TBRG4: variants seen among roughly 807,000 people sequenced by gnomAD.
The protein encoded by TBRG4 is transforming growth factor beta regulator 4.
A neutral mutation model predicts 65.6 loss-of-function variants in TBRG4; 43 were observed. The ratio of observed to expected loss-of-function variants is 0.66; its 90% CI spans 0.51 to 0.85. The LOEUF is 0.85. Among genes scored for constraint, TBRG4 ranks in the 40% least tolerant of loss-of-function variants. The pLI, the probability that TBRG4 is intolerant of heterozygous loss-of-function variation, is 0.00. For synonymous variants in TBRG4, 366 were observed against 341.4 expected (o/e 1.07, Z -0.79); for missense variants, 709 against 787.9 (o/e 0.90, Z 1.20).
chr7:45,102,661 TC>T (rs1318854031), intron 6 of TBRG4, 170 bp from the exon 7 acceptor site: 3 of 847,400 alleles, frequency 3.5e-6, no homozygotes, highest in Non-Finnish European at 5.3e-6. Flanking sequence ...CCTGGAGCAA[TC>T]CTGGGCTTGA....
At position 45,101,936 on chromosome 7, in the gene TBRG4, C is replaced by T. The variant is rs754842819; in HGVS notation, c.1456G>A (p.Asp486Asn). 5 of 1,609,016 alleles carry T rather than the reference C, an allele frequency of 3.1e-6. No homozygotes were observed. Among genetic ancestry groups the T allele is most frequent in the Non-Finnish European group, 4.2e-6 (5 of 1,177,942 alleles). ...TTTTGCAGGGGGGTCACCTTCCTGT[C>T]AAGGGCTGAGGGCCCAGGGGCCACA... is the stretch of plus-strand genomic sequence containing the variant. ...SAVAPGPSAL[D>N]RKVTPLQKEL... Residue 486 changes from aspartate to asparagine, a missense_variant, in exon 8 of 11, where the codon GAC becomes AAC. Physicochemically the swap from Asp to Asn is conservative, Grantham distance 23. Transcript: ENST00000258770.
chr7:45,105,588 C>T lies in TBRG4; in HGVS notation c.588G>A (p.Gln196=), dbSNP rs781357789. 3 of 1,614,166 alleles carry T rather than the reference C, an allele frequency of 1.9e-6. No individual in the cohort carries two copies. Among genetic ancestry groups the T allele is most frequent in the East Asian group, 2.2e-5 (1 of 44,888 alleles). The change falls in exon 3 of 11, where the codon CAG becomes CAA. Residue 196 remains glutamine (Q), a synonymous_variant. Transcript: ENST00000258770. The part of the protein sequence containing the change: ...FLAESCATLS[Q]EQHSQELLAE... ...CCAGCAGCTCCTGCGAGTGCTGCTC[C>T]TGTGAGAGGGTGGCACAGGACTCTG... is the stretch of plus-strand genomic sequence containing the variant.
chr7:45,101,872 G>GCGCTC lies in TBRG4; in HGVS notation c.1515_1519dup (p.Ala507GlyfsTer33). 1.2e-6 allele frequency: 2 copies of GCGCTC among 1,609,610 alleles called. No homozygotes were observed. Among genetic ancestry groups the GCGCTC allele is most frequent in the Non-Finnish European group, 1.7e-6 (2 of 1,179,476 alleles). On this transcript the variant is annotated frameshift_variant, in exon 8 of 11. Coordinates refer to ENST00000258770, the MANE Select transcript of TBRG4 (RefSeq NM_004749.4). LOFTEE classifies it high-confidence loss of function. ...GGCCACCTCGAGGCTGCCCTTGTCG[G>GCGCTC]CGCTCCCCAGCAGCCCCTTCAGCGT...
rs555889261 is a variant in TBRG4 at position 45,100,513 on chromosome 7, T to C, written c.1795-87A>G. 2.0e-3 allele frequency: 2,127 copies of C among 1,055,514 alleles called. 59 individuals are homozygous for C. The South Asian group carries it at 0.027, about 13-fold the overall frequency. 65.4% of individuals were successfully genotyped at this position (1,055,514 alleles called of 1,614,324 possible). On this transcript the variant is annotated intron_variant, in intron 10 of 10. Coordinates refer to ENST00000258770, the MANE Select transcript of TBRG4 (RefSeq NM_004749.4). ...TGCCTGCTTGCCTGCTGTCCTCACA[T>C]TGACCCCTCACCCAACACCTCTGCT... is the stretch of plus-strand genomic sequence containing the variant.
At chr7:45,102,306 C>G in intron 7 of TBRG4, 41 bp downstream of exon 7, 1 of 1,612,628 alleles carries the variant, frequency 6.2e-7, no homozygotes, top group Non-Finnish European at 8.5e-7. Context: ...CAAGACCAGG[C>G]AGTTTCCCAG....
intron 7 of TBRG4, 109 bp downstream of exon 7, chr7:45,102,237 AG>A: frequency 6.4e-7 from 1 of 1,557,044 alleles, no homozygotes. Context: ...ATGGAGAGCG[AG>A]GGGGAGGGAG....
At chr7:45,102,593 G>A (rs1186297705) in intron 6 of TBRG4, 102 bp from the exon 7 acceptor site, 29 of 1,497,084 alleles carry the variant, frequency 1.9e-5, no homozygotes, top group Non-Finnish European at 2.4e-5. Flanking sequence ...GCCTGGTTGG[G>A]ATGAGGCCAG....
At chr7:45,105,419 C>T (rs777056443) in intron 3 of TBRG4, 22 bp downstream of exon 3, 1 of 1,569,656 alleles carries the variant, frequency 6.4e-7, no homozygotes, top group Non-Finnish European at 8.6e-7. Flanking sequence ...GGCTGGGTGC[C>T]ACCTGCTTTC....
At position 45,102,400 on chromosome 7, in the gene TBRG4, C is replaced by A; in HGVS notation, c.1268G>T (p.Arg423Leu). ...GAGGACGGCTTGCAGCTCTGCTTCCCGTGCCTGCTGCAGCACACACAGGGC... is the reference window on the plus strand; with the variant it reads ...GAGGACGGCTTGCAGCTCTGCTTCCAGTGCCTGCTGCAGCACACACAGGGC... ...VWALCVLQQA[R>L]EAELQAVLHP... is the part of the protein sequence containing the mutation. Residue 423 changes from arginine to leucine, a missense_variant, in exon 7 of 11, where the codon CGG (arginine) becomes CTG (leucine). Transcript: ENST00000258770. 2 of 1,614,032 alleles carry A rather than the reference C, an allele frequency of 1.2e-6. No individual in the cohort carries two copies. Among genetic ancestry groups the A allele is most frequent in the South Asian group, 1.1e-5 (1 of 91,086 alleles).
At chr7:45,111,559 T>C (rs1584038330) in intron 1 of TBRG4, 84 bp downstream of exon 1, 1 of 1,279,106 alleles carries the variant, frequency 7.8e-7, no homozygotes, top group Admixed American at 2.3e-5. Flanking sequence ...TTCCACCGCA[T>C]CCCAGGACCT....
rs1338582368 is a variant in TBRG4 at position 45,104,798 on chromosome 7, GCAGCCCCTGTGA to G, written c.736-101_736-90del. On this transcript the variant is annotated intron_variant, in intron 3 of 10. Transcript: ENST00000258770. ...CAGGGGTCCCATGGTCCCATCCAGTGCAGCCCCTGTGACAGCCCCTGTCAGACTGGGCCTGAG... is the reference window on the plus strand; with the variant it reads ...CAGGGGTCCCATGGTCCCATCCAGTGCAGCCCCTGTCAGACTGGGCCTGAG... The G allele has an allele frequency of 4.1e-5, 64 of 1,559,546 alleles. 1 individual carries two copies. The highest frequency in any genetic ancestry group is 3.8e-4 in the Admixed American group (22 of 58,508).
At chr7:45,109,970 C>CAAAAAA in intron 1 of TBRG4, among the ~76,000 whole-genome samples, 1 of 107,884 alleles carries the variant, frequency 9.3e-6, no homozygotes, top group Admixed American at 1.0e-4. Context: ...GACTCCATCT[C>CAAAAAA]AAAAAAAAAA....
chr7:45,101,909 C>G lies in TBRG4; in HGVS notation c.1483G>C (p.Glu495Gln). Residue 495 changes from glutamate to glutamine, a missense_variant, in exon 8 of 11, where the codon GAG becomes CAG. Glu to Gln is a conservative substitution (Grantham distance 29). Transcript: ENST00000258770. ...LDRKVTPLQK[E>Q]LQETLKGLLG... is the part of the protein sequence containing the mutation. ...AGCCCCTTCAGCGTCTCCTGCAGCT[C>G]CTTTTGCAGGGGGGTCACCTTCCTG... 1 of 1,611,350 alleles carries G rather than the reference C, an allele frequency of 6.2e-7. No homozygotes were observed. The highest frequency in any genetic ancestry group is 1.1e-5 in the South Asian group (1 of 91,026).
chr7:45,105,841 AC>A (rs996557267), intron 2 of TBRG4, 77 bp from the exon 3 acceptor site: 2 of 1,480,934 alleles, frequency 1.4e-6, no homozygotes, highest in African/African-American at 2.8e-5. Context: ...ACCTCTCTGA[AC>A]CTTGTTTCAT....
intron 1 of TBRG4, among the ~76,000 whole-genome samples, chr7:45,109,802 C>A (rs1785075351): frequency 6.6e-6 from 1 of 151,780 alleles, no homozygotes; most frequent in Non-Finnish European, 1.5e-5. Flanking sequence ...CATGGTGAAA[C>A]CCCATCTTTA....
Position 45,108,932 on chromosome 7 carries a change from CATTGCTGCTTG to C in TBRG4, c.295_305del (p.Gln99GlyfsTer11). ...GCAAGTGAGAGAGCCGGATAAGTAC[CATTGCTGCTTG>C]ATTGCTGTCCAAGTCGTGACTGCCA... is the stretch of plus-strand genomic sequence containing the variant. On this transcript the variant is annotated frameshift_variant, in exon 2 of 11. Coordinates refer to ENST00000258770, the MANE Select transcript of TBRG4 (RefSeq NM_004749.4). LOFTEE classifies it high-confidence loss of function. The C allele has an allele frequency of 6.2e-7, 1 of 1,612,104 alleles. No homozygotes were observed. The highest frequency in any genetic ancestry group is 8.5e-7 in the Non-Finnish European group (1 of 1,179,096).
chr7:45,110,762 C>A (rs1466925599), intron 1 of TBRG4: 1 of 152,086 alleles, frequency 6.6e-6, no homozygotes, highest in Non-Finnish European at 1.5e-5. Flanking sequence ...TCATTTCTGC[C>A]AAAGCAGAAT....
rs754396325 is a variant in TBRG4, at chr7:45,101,239, C to T, written c.1794+19G>A. The T allele has an allele frequency of 1.2e-6, 2 of 1,607,874 alleles. No individual in the cohort carries two copies. The highest frequency in any genetic ancestry group is 2.2e-5 in the East Asian group (1 of 44,744). ...GGGATTCTCCCTGTGCAGTGACCAC[C>T]TGCCCAAGAGGTACTCACGTCCACT... is the stretch of plus-strand genomic sequence containing the variant. On this transcript the variant is annotated intron_variant, in intron 10 of 10. Coordinates refer to ENST00000258770, the MANE Select transcript of TBRG4 (RefSeq NM_004749.4).
intron 2 of TBRG4, 59 bp downstream of exon 2, chr7:45,108,768 C>A (rs1773274658): frequency 7.1e-7 from 1 of 1,403,780 alleles, no homozygotes; most frequent in African/African-American, 1.4e-5. Flanking sequence ...GCTGTGGACC[C>A]CAGCATTTCT....
Sources: gnomAD v4.1 joint callset for allele counts (sites outside exome capture counted in the v4.1 genomes callset) on GRCh38, gnomAD v4.1.1 for gene constraint, MANE v1.5 for transcripts, NCBI Gene and HGNC (gene_info 2026-07-23, HGNC 2026-07-21) for gene names.